SEMA3A: variants seen among roughly 807,000 people sequenced by gnomAD.
SEMA3A encodes semaphorin-3A.
SEMA3A carries 29 observed loss-of-function variants against 97.9 expected under a neutral mutation model. That is an observed-to-expected ratio of 0.30 (90% CI 0.22 to 0.40). The LOEUF (loss-of-function observed/expected upper bound fraction) is 0.40, where lower values mean the gene tolerates loss of function less well. Ranked by LOEUF, SEMA3A falls within the 10% of genes least tolerant of loss-of-function variation. The probability of loss-of-function intolerance (pLI) is 1.00; values close to 1 mark genes in which losing one functional copy is unlikely to be tolerated. For synonymous variants in SEMA3A, 321 were observed against 323.7 expected (o/e 0.99, Z 0.09); for missense variants, 763 against 951.3 (o/e 0.80, Z 2.60).
chr7:84,132,179 C>T (rs1191634779), intron 2 of SEMA3A, among the ~76,000 whole-genome samples: 1 of 152,058 alleles, frequency 6.6e-6, no homozygotes, highest in Admixed American at 6.6e-5. Flanking sequence ...AATAAATAAT[C>T]TGTTTGTAAT....
At chr7:84,142,108 A>G (rs1162864557) in intron 1 of SEMA3A, among the ~76,000 whole-genome samples, 1 of 152,126 alleles carries the variant, frequency 6.6e-6, no homozygotes, top group Admixed American at 6.6e-5. Context: ...ATATGAATTT[A>G]TTTTTCATTT....
At chr7:83,969,753 G>A (rs762493840) in intron 15 of SEMA3A, among the ~76,000 whole-genome samples, 26 of 152,266 alleles carry the variant, frequency 1.7e-4, no homozygotes, top group Non-Finnish European at 3.4e-4. Flanking sequence ...TGACTTGAGA[G>A]AGGGTGGGAG....
intron 15 of SEMA3A, among the ~76,000 whole-genome samples, chr7:83,973,633 G>C (rs937998174): frequency 1.3e-5 from 2 of 152,108 alleles, no homozygotes; most frequent in African/African-American, 4.8e-5. Context: ...CATAAAGATG[G>C]CATTGTCAAA....
chr7:84,315,155 GA>G (rs59514191), intron 2 of SEMA3A, among the ~76,000 whole-genome samples: 2,680 of 152,118 alleles, frequency 0.018, 75 homozygotes, highest in African/African-American at 0.062. Context: ...GTATCAAGTA[GA>G]AATTTAAAGA....
chr7:84,149,967 G>A (rs1392343001), intron 1 of SEMA3A, among the ~76,000 whole-genome samples: 2 of 152,268 alleles, frequency 1.3e-5, no homozygotes, highest in African/African-American at 4.8e-5. Context: ...TACTAAGGTT[G>A]CTGATTTCTT....
chr7:84,037,599 G>A (rs1014263366), intron 6 of SEMA3A, among the ~76,000 whole-genome samples: 1 of 151,998 alleles, frequency 6.6e-6, no homozygotes, highest in Non-Finnish European at 1.5e-5. Flanking sequence ...TATGCTATTA[G>A]CCTACGTTAA....
intron 3 of SEMA3A, among the ~76,000 whole-genome samples, chr7:84,300,971 C>A (rs1042435416): frequency 6.6e-6 from 1 of 152,032 alleles, no homozygotes; most frequent in Non-Finnish European, 1.5e-5. Flanking sequence ...AGAGTATGTT[C>A]TCTGACCATA....
intron 1 of SEMA3A, among the ~76,000 whole-genome samples, chr7:84,406,668 C>T (rs1804099681): frequency 6.6e-6 from 1 of 152,100 alleles, no homozygotes; most frequent in African/African-American, 2.4e-5. Flanking sequence ...TACTGGCAAA[C>T]TGAATCCAGC....
At chr7:84,069,376 G>T (rs1793658634) in intron 4 of SEMA3A, among the ~76,000 whole-genome samples, 1 of 152,048 alleles carries the variant, frequency 6.6e-6, no homozygotes, top group African/African-American at 2.4e-5. Flanking sequence ...TACTTAGTAT[G>T]CCCTTGAAAC....
chr7:84,420,542 C>T (rs892562540), intron 1 of SEMA3A, among the ~76,000 whole-genome samples: 1 of 151,806 alleles, frequency 6.6e-6, no homozygotes, highest in Non-Finnish European at 1.5e-5. Flanking sequence ...AACCAAGTGA[C>T]CTGTGGGATG....
intron 4 of SEMA3A, among the ~76,000 whole-genome samples, 153 bp from the exon 5 acceptor site, chr7:84,060,711 CAA>C: frequency 6.6e-6 from 1 of 152,208 alleles, no homozygotes; most frequent in East Asian, 1.9e-4. Flanking sequence ...CAAAATAAAT[CAA>C]GTGTATTGAA....
chr7:84,313,670 A>AT (rs1801422587), intron 2 of SEMA3A, among the ~76,000 whole-genome samples: 1 of 151,362 alleles, frequency 6.6e-6, no homozygotes, highest in Admixed American at 6.6e-5. Flanking sequence ...TTAAATACTT[A>AT]TTTTTTTCTG....
chr7:84,438,451 G>C (rs1259809773), intron 1 of SEMA3A, among the ~76,000 whole-genome samples: 1 of 152,050 alleles, frequency 6.6e-6, no homozygotes, highest in Non-Finnish European at 1.5e-5. Flanking sequence ...TAGTATGTGT[G>C]CTACAGTAAG....
chr7:84,218,560 G>A (rs1049147675), intron 3 of SEMA3A, among the ~76,000 whole-genome samples: 2 of 152,006 alleles, frequency 1.3e-5, no homozygotes, highest in Non-Finnish European at 2.9e-5. Flanking sequence ...CCCCAAATCT[G>A]CTCATTATTT....
At chr7:84,047,553 C>G (rs917037577) in intron 5 of SEMA3A, among the ~76,000 whole-genome samples, 1 of 151,972 alleles carries the variant, frequency 6.6e-6, no homozygotes, top group Admixed American at 6.6e-5. Flanking sequence ...ATTACTCTTT[C>G]TTTCTTGGAA....
chr7:84,194,676 T>C lies in SEMA3A; in HGVS notation c.-90A>G. On this transcript the variant is annotated 5_prime_UTR_variant, in exon 1 of 17. Transcript: ENST00000265362. ...GTTCAAACAATCTGGAAACTGGAGG[T>C]AACAGGTGATTTAGGTCAGTTTCAT... is the stretch of plus-strand genomic sequence containing the variant. The C allele has an allele frequency of 1.3e-6, 1 of 784,806 alleles. No homozygotes were observed. Among genetic ancestry groups the C allele is most frequent in the Non-Finnish European group, 2.2e-6 (1 of 453,210 alleles). The allele number at this position is 784,806 out of a possible 1,614,324, so 48.6% of individuals were successfully genotyped here.
chr7:83,982,263 T>A (rs759859725), intron 13 of SEMA3A, among the ~76,000 whole-genome samples: 3 of 152,196 alleles, frequency 2.0e-5, no homozygotes, highest in Non-Finnish European at 4.4e-5. Context: ...AATGAGCATG[T>A]TTAATAGGTC....
intron 15 of SEMA3A, among the ~76,000 whole-genome samples, chr7:83,965,657 TATATATATA>T (rs1261382221): frequency 8.7e-3 from 111 of 12,736 alleles, no homozygotes; most frequent in Non-Finnish European, 0.012. Context: ...TATATATATA[TATATATATA>T]TTTTTTTTTT....
chr7:84,042,213 G>A (rs1166840058), intron 6 of SEMA3A, among the ~76,000 whole-genome samples: 1 of 151,980 alleles, frequency 6.6e-6, no homozygotes, highest in Non-Finnish European at 1.5e-5. Context: ...AGGCCATCAG[G>A]GTATGAATAT....
Sources: allele counts gnomAD v4.1 joint callset (sites outside exome capture counted in the v4.1 genomes callset), GRCh38; gene constraint gnomAD v4.1.1; transcripts MANE v1.5; gene names NCBI Gene and HGNC (gene_info 2026-07-23, HGNC 2026-07-21).